The following KLF8 variants were observed in gnomAD, a reference collection of about 807,000 sequenced individuals.
KLF8 encodes KLF transcription factor 8, also known as Krueppel-like factor 8.
In KLF8, 10 loss-of-function variants were observed where a neutral mutation model predicts 18.2. The ratio of observed to expected loss-of-function variants is 0.55; its 90% CI spans 0.34 to 0.93. The LOEUF is 0.93. KLF8 is among the 40% of genes least tolerant of loss of function. The pLI is 0.02. For missense variants in KLF8, 264 were observed against 277.9 expected, an observed-to-expected ratio of 0.95 and a Z score of 0.36; for synonymous variants, 109 against 97.3, an observed-to-expected ratio of 1.12 and a Z score of -0.71.
At chrX:56,073,748 CTT>C in the KLF8 span, among the ~76,000 whole-genome samples, 1 of 92,593 alleles carries the variant, frequency 1.1e-5, no homozygotes, top group Non-Finnish European at 2.1e-5. Flanking sequence ...CTAATGATGG[CTT>C]TTTTTTTTTT....
At chrX:56,023,249 AAAAC>A in the KLF8 span, among the ~76,000 whole-genome samples, 13 of 112,169 alleles carry the variant, frequency 1.2e-4, no homozygotes, top group African/African-American at 4.2e-4. Context: ...ACAGCAATGG[AAAAC>A]AAAATATATA....
At chrX:55,948,917 C>A in the KLF8 span, among the ~76,000 whole-genome samples, 1 of 112,229 alleles carries the variant, frequency 8.9e-6, no homozygotes, top group Admixed American at 9.5e-5. Flanking sequence ...CAGGCATTAT[C>A]TGTTATTCTA....
chrX:55,959,042 A>C, the KLF8 span, among the ~76,000 whole-genome samples: 2 of 112,117 alleles, frequency 1.8e-5, no homozygotes, highest in African/African-American at 6.5e-5. Context: ...CAGGACTGGG[A>C]AACCCTGGCC....
the KLF8 span, among the ~76,000 whole-genome samples, chrX:56,005,973 C>T: frequency 8.9e-6 from 1 of 112,536 alleles, no homozygotes; most frequent in Non-Finnish European, 1.9e-5. Context: ...CAGGCGTGGC[C>T]AGGCTTAGAC....
At chrX:56,005,610 T>C in the KLF8 span, among the ~76,000 whole-genome samples, 1 of 112,367 alleles carries the variant, frequency 8.9e-6, no homozygotes, top group African/African-American at 3.2e-5. Context: ...TGGTTGCAAA[T>C]GTTTGTGTGC....
chrX:56,150,715 T>C, the KLF8 span, among the ~76,000 whole-genome samples: 2 of 111,000 alleles, frequency 1.8e-5, no homozygotes, highest in Admixed American at 1.9e-4. Context: ...TAGGACTCTT[T>C]CTTCTCTTCC....
the KLF8 span, among the ~76,000 whole-genome samples, chrX:56,027,280 T>C: frequency 8.9e-6 from 1 of 111,933 alleles, no homozygotes; most frequent in Non-Finnish European, 1.9e-5. Context: ...GATGCTGCTT[T>C]TCATGCCTCT....
the KLF8 span, among the ~76,000 whole-genome samples, chrX:56,050,635 G>T: frequency 5.3e-5 from 6 of 112,354 alleles, no homozygotes; most frequent in African/African-American, 1.6e-4. Flanking sequence ...CTAAGAGGTA[G>T]TTTGTTATAA....
chrX:56,188,304 A>T, the KLF8 span, among the ~76,000 whole-genome samples: 1 of 111,577 alleles, frequency 9.0e-6, no homozygotes, highest in Non-Finnish European at 1.9e-5. Context: ...CTAGGAATCC[A>T]ACTTACAAGG....
the KLF8 span, among the ~76,000 whole-genome samples, chrX:56,059,215 T>A: frequency 8.9e-6 from 1 of 112,275 alleles, no homozygotes; most frequent in African/African-American, 3.2e-5. Flanking sequence ...TTTTGTCTTG[T>A]AAATTTCTTT....
the KLF8 span, among the ~76,000 whole-genome samples, chrX:56,058,302 A>ATATATG: frequency 3.6e-4 from 24 of 66,480 alleles, no homozygotes; most frequent in African/African-American, 1.4e-3. Context: ...ATATATATAT[A>ATATATG]TATATATATA....
chrX:55,925,288 C>T, the KLF8 span, among the ~76,000 whole-genome samples: 1 of 106,456 alleles, frequency 9.4e-6, no homozygotes, highest in Non-Finnish European at 1.9e-5. Context: ...GGTAACATTT[C>T]ACTTGTTTTT....
chrX:55,936,696 A>G, the KLF8 span, among the ~76,000 whole-genome samples: 2 of 112,437 alleles, frequency 1.8e-5, no homozygotes, highest in Non-Finnish European at 3.8e-5. Flanking sequence ...CACTTTTCCA[A>G]CGGGCTTAAC....
chrX:56,109,702 T>C, the KLF8 span, among the ~76,000 whole-genome samples: 76 of 112,172 alleles, frequency 6.8e-4, no homozygotes, highest in African/African-American at 2.2e-3. Flanking sequence ...TATACATTCT[T>C]GTTAGATTGA....
chrX:56,005,459 G>A, the KLF8 span, among the ~76,000 whole-genome samples: 1 of 111,840 alleles, frequency 8.9e-6, no homozygotes, highest in Non-Finnish European at 1.9e-5. Flanking sequence ...GTTGGTGAGG[G>A]CATAGCACTG....
At chrX:55,922,947 A>G in the KLF8 span, among the ~76,000 whole-genome samples, 1 of 112,070 alleles carries the variant, frequency 8.9e-6, no homozygotes. Context: ...AGGCAGAAAT[A>G]CTATTTGACT....
chrX:56,167,233 C>T, the KLF8 span, among the ~76,000 whole-genome samples: 1 of 111,488 alleles, frequency 9.0e-6, no homozygotes, highest in African/African-American at 3.3e-5. Context: ...TGGGTTCAAG[C>T]GATTCTCCTG....
chrX:56,153,124 T>C, the KLF8 span, among the ~76,000 whole-genome samples: 2 of 111,638 alleles, frequency 1.8e-5, no homozygotes, highest in African/African-American at 6.5e-5. Context: ...TAATATGATA[T>C]AAGTAAGCCA....
chrX:55,956,306 G>T, the KLF8 span, among the ~76,000 whole-genome samples: 1 of 111,244 alleles, frequency 9.0e-6, no homozygotes, highest in East Asian at 2.8e-4. Context: ...TCTATAAGTG[G>T]AAATTAGGGT....
Sources: allele counts gnomAD v4.1 joint callset (sites outside exome capture counted in the v4.1 genomes callset), GRCh38; gene constraint gnomAD v4.1.1; transcripts MANE v1.5; gene names NCBI Gene and HGNC (gene_info 2026-07-23, HGNC 2026-07-21).